Variants in MVB12B observed in about 807,000 individuals in gnomAD.
MVB12B encodes ESCRT-I complex subunit MVB12B.
MVB12B carries 16 observed loss-of-function variants against 41.6 expected under a neutral mutation model. That is an observed-to-expected ratio of 0.38 (90% CI 0.26 to 0.58). The LOEUF (loss-of-function observed/expected upper bound fraction) is 0.58, where lower values mean the gene tolerates loss of function less well. MVB12B is among the 20% of genes least tolerant of loss of function. The pLI is 0.62. For missense variants in MVB12B, 274 were observed against 380.2 expected (o/e 0.72, Z 2.32); for synonymous variants, 133 against 139.7 (o/e 0.95, Z 0.34).
chr9:126,362,184 A>T (rs2118895362), intron 2 of MVB12B, among the ~76,000 whole-genome samples: 1 of 152,294 alleles, frequency 6.6e-6, no homozygotes, highest in Non-Finnish European at 1.5e-5. Flanking sequence ...TCTGTTTATT[A>T]TTAAAGTATT....
chr9:126,392,457 C>T lies in MVB12B; in HGVS notation c.539+262C>T, dbSNP rs920151313. Among the ~76,000 whole-genome samples, 7 of 152,182 alleles carry T rather than the reference C, an allele frequency of 4.6e-5. No individual in the cohort carries two copies. The highest frequency in any genetic ancestry group is 2.6e-4 in the Admixed American group (4 of 15,282). On this transcript the variant is annotated intron_variant, in intron 5 of 9. Transcript: ENST00000361171. The surrounding 1 kb of genome is among the most constrained non-coding windows in gnomAD (Gnocchi z 4.8). ...CTTGAAGCTCCTCTGGGTCCTTCCC[C>T]GACACCCTGTGATGCCACTGGCCTC...
At chr9:126,388,054 T>C (rs1427356418) in intron 4 of MVB12B, among the ~76,000 whole-genome samples, 1 of 152,236 alleles carries the variant, frequency 6.6e-6, no homozygotes, top group Non-Finnish European at 1.5e-5. Flanking sequence ...AATTCACCTA[T>C]TTAACATGCA....
At chr9:126,450,912 T>C (rs1243501918) in intron 7 of MVB12B, among the ~76,000 whole-genome samples, 1 of 152,186 alleles carries the variant, frequency 6.6e-6, no homozygotes, top group Admixed American at 6.5e-5. Context: ...GGGATGTCCT[T>C]CAGCCCTGCA....
At chr9:126,366,820 C>T (rs949319162) in intron 2 of MVB12B, among the ~76,000 whole-genome samples, 3 of 152,168 alleles carry the variant, frequency 2.0e-5, no homozygotes, top group Admixed American at 2.0e-4. Flanking sequence ...TCTGACTCCA[C>T]GCAGCCAGCC....
chr9:126,329,845 T>A (rs931937453), intron 1 of MVB12B, among the ~76,000 whole-genome samples: 7 of 152,202 alleles, frequency 4.6e-5, no homozygotes, highest in African/African-American at 1.7e-4. Flanking sequence ...CCTGGGTTTC[T>A]TGAATAGACT....
At chr9:126,410,076 G>C (rs1187152825) in intron 6 of MVB12B, among the ~76,000 whole-genome samples, 1 of 152,088 alleles carries the variant, frequency 6.6e-6, no homozygotes, top group Non-Finnish European at 1.5e-5. Flanking sequence ...GTTTGGAATT[G>C]TGATTTCCTT....
chr9:126,397,398 G>C, intron 6 of MVB12B: 1 of 985,468 alleles, frequency 1.0e-6, no homozygotes, highest in Non-Finnish European at 1.2e-6. Context: ...TTGGAGGGTA[G>C]TGCGTCAGAA....
chr9:126,360,114 T>C (rs1024345173), intron 2 of MVB12B, among the ~76,000 whole-genome samples: 2 of 152,322 alleles, frequency 1.3e-5, no homozygotes, highest in Admixed American at 6.5e-5. Context: ...AATTTTGTTG[T>C]GTTGTATATA....
intron 6 of MVB12B, among the ~76,000 whole-genome samples, chr9:126,409,570 C>T (rs1365063561): frequency 6.6e-6 from 1 of 152,200 alleles, no homozygotes; most frequent in East Asian, 1.9e-4. Context: ...CAATGCAGAA[C>T]TTAGCCTAAG....
At chr9:126,466,774 C>G (rs972900823) in intron 7 of MVB12B, among the ~76,000 whole-genome samples, 1 of 152,150 alleles carries the variant, frequency 6.6e-6, no homozygotes, top group Non-Finnish European at 1.5e-5. Context: ...GATATCAACC[C>G]TGGGATAGAC....
At chr9:126,363,908 CTTTAATTACAG>C (rs1371740167) in intron 2 of MVB12B, among the ~76,000 whole-genome samples, 1 of 152,152 alleles carries the variant, frequency 6.6e-6, no homozygotes, top group Non-Finnish European at 1.5e-5. Flanking sequence ...GCTTACCACT[CTTTAATTACAG>C]TTTAATTACA....
chr9:126,376,610 G>A lies in MVB12B; in HGVS notation c.205-4454G>A, dbSNP rs1297218830. ...CAGTGTCCAGTGTTCAGGGGAGGCG[G>A]CTGGAAGCAAGAAGGAGGGTAAGCG... On this transcript the variant is annotated intron_variant, in intron 2 of 9. Coordinates refer to ENST00000361171, the MANE Select transcript of MVB12B (RefSeq NM_033446.3). The surrounding 1 kb of genome is among the most constrained non-coding windows in gnomAD (Gnocchi z 4.1). The A allele has an allele frequency of 1.6e-6, 2 of 1,289,284 alleles. No individual in the cohort carries two copies. The highest frequency in any genetic ancestry group is 3.0e-5 in the African/African-American group (2 of 65,864). The allele number at this position is 1,289,284 out of a possible 1,614,324, so 79.9% of individuals were successfully genotyped here. A position where few individuals can be genotyped will look rare whatever the true frequency, so the allele number is the denominator to read the frequency against.
chr9:126,464,371 T>G (rs1469867580), intron 7 of MVB12B, among the ~76,000 whole-genome samples: 2 of 152,122 alleles, frequency 1.3e-5, no homozygotes, highest in African/African-American at 4.8e-5. Flanking sequence ...CCAGAATAGC[T>G]AAATCCTAAA....
In MVB12B at chr9:126,451,919, G is replaced by T. The variant is rs561954189; in HGVS notation, c.758-29450G>T. ...TGCCGAGTCTCTGTGTAAATTTCATGCAGGTTGTCTGATTGAGGACACCTG... is the reference window on the plus strand; with the variant it reads ...TGCCGAGTCTCTGTGTAAATTTCATTCAGGTTGTCTGATTGAGGACACCTG... On this transcript the variant is annotated intron_variant, in intron 7 of 9. Coordinates refer to ENST00000361171, the MANE Select transcript of MVB12B (RefSeq NM_033446.3). Among the ~76,000 whole-genome samples, 5 of 152,338 alleles carry T rather than the reference G, an allele frequency of 3.3e-5. No homozygotes were observed. In the East Asian group the frequency reaches 9.6e-4, roughly 29 times the overall value.
chr9:126,360,725 A>G (rs1466470299), intron 2 of MVB12B, among the ~76,000 whole-genome samples: 3 of 152,190 alleles, frequency 2.0e-5, no homozygotes, highest in Non-Finnish European at 4.4e-5. Context: ...TCTCAGTGCT[A>G]TAAGTTTTTG....
intron 9 of MVB12B, among the ~76,000 whole-genome samples, chr9:126,501,905 G>C (rs1197796735): frequency 1.3e-5 from 2 of 152,004 alleles, no homozygotes; most frequent in Non-Finnish European, 2.9e-5. Flanking sequence ...GCCCTCCCTG[G>C]GGCTGGGTGC....
At chr9:126,481,208 G>T (rs979533274) in intron 7 of MVB12B, 161 bp from the exon 8 acceptor site, 3 of 680,592 alleles carry the variant, frequency 4.4e-6, no homozygotes, top group Non-Finnish European at 7.7e-6. Flanking sequence ...AGCAGGGGTG[G>T]GACCTGTCCT....
Position 126,436,962 on chromosome 9 carries a change from A to T in MVB12B, c.757+15014A>T, listed in dbSNP as rs1832495426. On this transcript the variant is annotated intron_variant, in intron 7 of 9. Coordinates refer to ENST00000361171, the MANE Select transcript of MVB12B (RefSeq NM_033446.3). The surrounding 1 kb of genome is among the most constrained non-coding windows in gnomAD (Gnocchi z 4.1). ...GCTAATTTTTTGCTGAGCAGAGCAGACCTCTGAAAACACAATTTATAACAT... is the reference window on the plus strand; with the variant it reads ...GCTAATTTTTTGCTGAGCAGAGCAGTCCTCTGAAAACACAATTTATAACAT... Among the ~76,000 whole-genome samples the T allele has an allele frequency of 1.3e-5, 2 of 152,214 alleles. No individual in the cohort carries two copies. Among genetic ancestry groups the T allele is most frequent in the Non-Finnish European group, 2.9e-5 (2 of 68,044 alleles).
intron 1 of MVB12B, among the ~76,000 whole-genome samples, chr9:126,332,068 G>A (rs996893408): frequency 6.6e-6 from 1 of 152,134 alleles, no homozygotes; most frequent in African/African-American, 2.4e-5. Context: ...TTGTTTCAGA[G>A]CCCATCTGCT....
Sources: allele counts gnomAD v4.1 joint callset (sites outside exome capture counted in the v4.1 genomes callset), GRCh38; gene constraint gnomAD v4.1.1; non-coding constraint Gnocchi (gnomAD v3.1); transcripts MANE v1.5; gene names NCBI Gene and HGNC (gene_info 2026-07-23, HGNC 2026-07-21).